Variants in FAM185A observed in about 807,000 individuals in gnomAD.
The protein encoded by FAM185A is family with sequence similarity 185 member A.
In FAM185A, 21 loss-of-function variants were observed where a neutral mutation model predicts 45.7. The observed-to-expected ratio is 0.46, with a 90% CI of 0.33 to 0.66. FAM185A has a LOEUF of 0.66. Ranked by LOEUF, FAM185A falls within the 30% of genes least tolerant of loss-of-function variation. The pLI is 0.03. For synonymous variants in FAM185A, 117 were observed against 194.0 expected (o/e 0.60, Z 3.30); for missense variants, 305 against 485.4 (o/e 0.63, Z 3.49).
At chr7:102,832,221 T>C in the FAM185A span, among the ~76,000 whole-genome samples, 2 of 152,316 alleles carry the variant, frequency 1.3e-5, no homozygotes, top group East Asian at 3.9e-4. Flanking sequence ...AGAAAAATTA[T>C]AAAACACTTG....
At chr7:102,788,841 C>T (rs7794717) in intron 7 of FAM185A, among the ~76,000 whole-genome samples, 70,223 of 144,370 alleles carry the variant, frequency 0.49, 17,916 homozygotes, top group African/African-American at 0.71. Context: ...CTGAAAACTG[C>T]AGGGAATTGT....
chr7:102,821,987 GT>G, the FAM185A span: 1 of 1,566,922 alleles, frequency 6.4e-7, no homozygotes, highest in South Asian at 1.1e-5. Context: ...CATATACTAT[GT>G]TTTCTCAGAA....
chr7:102,841,839 C>G, the FAM185A span, among the ~76,000 whole-genome samples: 1 of 152,160 alleles, frequency 6.6e-6, no homozygotes, highest in Non-Finnish European at 1.5e-5. Flanking sequence ...GTTTAGGAAA[C>G]TATCCTTGGC....
chr7:102,834,089 A>AGGAAGGAAGGAAGGAAGGAAG, the FAM185A span, among the ~76,000 whole-genome samples: 15 of 68,480 alleles, frequency 2.2e-4, no homozygotes, highest in Non-Finnish European at 4.1e-4. Flanking sequence ...AGGAAAGAAA[A>AGGAAGGAAGGAAGGAAGGAAG]GAAAGAAAGA....
downstream of FAM185A, chr7:102,813,291 G>A (rs1797560011): frequency 6.6e-7 from 1 of 1,524,092 alleles, no homozygotes; most frequent in African/African-American, 1.4e-5. Flanking sequence ...AACAAATGGA[G>A]AAAACTTGCC....
intron 4 of FAM185A, among the ~76,000 whole-genome samples, chr7:102,766,429 C>G (rs534725042): frequency 1.3e-5 from 2 of 152,294 alleles, no homozygotes; most frequent in East Asian, 3.9e-4. Context: ...TTAGTAACTA[C>G]TTTTTTATTT....
At chr7:102,758,525 G>T (rs1373146896) in intron 3 of FAM185A, among the ~76,000 whole-genome samples, 1 of 120,020 alleles carries the variant, frequency 8.3e-6, no homozygotes, top group Non-Finnish European at 1.7e-5. Flanking sequence ...AACTCCTTTT[G>T]TAGCTTTTGG....
chr7:102,778,055 C>G (rs1460176938), intron 6 of FAM185A, among the ~76,000 whole-genome samples: 1 of 152,176 alleles, frequency 6.6e-6, no homozygotes, highest in African/African-American at 2.4e-5. Context: ...AGAACTGTAG[C>G]TCTGTATAAA....
intron 5 of FAM185A, among the ~76,000 whole-genome samples, chr7:102,776,979 T>C (rs1163367955): frequency 1.3e-5 from 2 of 152,178 alleles, no homozygotes; most frequent in African/African-American, 4.8e-5. Context: ...CAGACTCTCC[T>C]TCCGACTCAT....
chr7:102,815,941 A>C, the FAM185A span, among the ~76,000 whole-genome samples: 3 of 152,210 alleles, frequency 2.0e-5, no homozygotes, highest in Non-Finnish European at 4.4e-5. Flanking sequence ...TCCTTAATAT[A>C]AGATAAGGAA....
intron 6 of FAM185A, among the ~76,000 whole-genome samples, chr7:102,779,372 G>A (rs1211787975): frequency 6.6e-6 from 1 of 151,954 alleles, no homozygotes; most frequent in Non-Finnish European, 1.5e-5. Context: ...AGGGAGATGG[G>A]GTAGAAATCT....
the FAM185A span, among the ~76,000 whole-genome samples, chr7:102,823,273 T>G: frequency 3.9e-5 from 6 of 152,190 alleles, no homozygotes; most frequent in African/African-American, 1.4e-4. Flanking sequence ...AACATATGTT[T>G]AATAACATTA....
intron 7 of FAM185A, among the ~76,000 whole-genome samples, chr7:102,796,521 C>G (rs1227364685): frequency 4.6e-5 from 7 of 152,170 alleles, no homozygotes; most frequent in Non-Finnish European, 1.0e-4. Context: ...AACTAAGTTC[C>G]TCCCAAAAGT....
At chr7:102,775,097 GATATAC>G (rs1378847114) in intron 5 of FAM185A, among the ~76,000 whole-genome samples, 1 of 151,220 alleles carries the variant, frequency 6.6e-6, no homozygotes, top group Non-Finnish European at 1.5e-5. Flanking sequence ...ATAATGATTT[GATATAC>G]ATATATACTG....
the FAM185A span, among the ~76,000 whole-genome samples, chr7:102,835,566 A>G: frequency 1.3e-5 from 2 of 151,656 alleles, no homozygotes; most frequent in African/African-American, 4.8e-5. Flanking sequence ...TTTTAATAAT[A>G]CAAGAATTTT....
intron 4 of FAM185A, among the ~76,000 whole-genome samples, chr7:102,761,736 T>G (rs1258209951): frequency 6.6e-6 from 1 of 152,000 alleles, no homozygotes; most frequent in African/African-American, 2.4e-5. Context: ...TGACACTGGC[T>G]CACTGCACCC....
chr7:102,794,035 CAAAAAAAAAAAAAAAA>C (rs765672577), intron 7 of FAM185A, among the ~76,000 whole-genome samples: 2 of 60,608 alleles, frequency 3.3e-5, no homozygotes, highest in Non-Finnish European at 6.5e-5. Flanking sequence ...GACTCTGTCT[CAAAAAAAAAAAAAAAA>C]AAAAAAAAGT....
In FAM185A at chr7:102,749,140, C is replaced by A. The variant is rs1381426840; in HGVS notation, c.-68C>A. The A allele has an allele frequency of 6.5e-7, 1 of 1,534,408 alleles. No homozygotes were observed. The highest frequency in any genetic ancestry group is 8.8e-7 in the Non-Finnish European group (1 of 1,132,364). On this transcript the variant is annotated 5_prime_UTR_variant, in exon 1 of 8. Coordinates refer to ENST00000413034, the MANE Select transcript of FAM185A (RefSeq NM_001145268.2). ...ACTTGAGGCGGCACAGTGGCCAAGT[C>A]GATTGGCCGTGGCAAGTGACCCTCC... is the stretch of plus-strand genomic sequence containing the variant.
intron 4 of FAM185A, among the ~76,000 whole-genome samples, chr7:102,765,274 A>G (rs1171483046): frequency 6.6e-6 from 1 of 152,200 alleles, no homozygotes; most frequent in African/African-American, 2.4e-5. Flanking sequence ...GTTCTACATT[A>G]TAAGTTCCTT....
Sources: allele counts gnomAD v4.1 joint callset (sites outside exome capture counted in the v4.1 genomes callset), GRCh38; gene constraint gnomAD v4.1.1; transcripts MANE v1.5; gene names NCBI Gene and HGNC (gene_info 2026-07-23, HGNC 2026-07-21).